The following BCAS3 variants were observed in gnomAD, a reference collection of about 807,000 sequenced individuals.
BCAS3 encodes BCAS4/BCAS3 fusion.
In BCAS3, 53 loss-of-function variants were observed where a neutral mutation model predicts 116.1. That is an observed-to-expected ratio of 0.46 (90% CI 0.37 to 0.57). The LOEUF (loss-of-function observed/expected upper bound fraction) is 0.57. Among genes scored for constraint, BCAS3 ranks in the 20% least tolerant of loss-of-function variants. BCAS3 has a pLI of 0.00. For synonymous variants in BCAS3, 391 were observed against 408.2 expected, an observed-to-expected ratio of 0.96 and a Z score of 0.51; for missense variants, 917 against 1,165.4, an observed-to-expected ratio of 0.79 and a Z score of 3.10.
intron 6 of BCAS3, among the ~76,000 whole-genome samples, chr17:60,789,992 A>G (rs759897207): frequency 2.0e-4 from 31 of 152,130 alleles, no homozygotes; most frequent in Non-Finnish European, 4.3e-4. Context: ...TAAAGTTGGA[A>G]GTTTAGTTAG....
chr17:60,910,450 T>G (rs2058431858), intron 11 of BCAS3, 82 bp from the exon 12 acceptor site: 1 of 1,126,888 alleles, frequency 8.9e-7, no homozygotes, highest in Non-Finnish European at 1.2e-6. Flanking sequence ...ACATAATGAT[T>G]AGGAAAATTA....
chr17:61,231,506 C>G (rs576925883), intron 22 of BCAS3, among the ~76,000 whole-genome samples: 3 of 152,164 alleles, frequency 2.0e-5, no homozygotes, highest in African/African-American at 7.2e-5. Context: ...TGTTTTTAAC[C>G]CATACCTTTC....
intron 22 of BCAS3, among the ~76,000 whole-genome samples, chr17:61,257,146 G>T (rs1300132982): frequency 6.6e-6 from 1 of 152,086 alleles, no homozygotes; most frequent in Non-Finnish European, 1.5e-5. Flanking sequence ...AACTGGCCAG[G>T]CGTGGTGGCT....
At chr17:60,761,434 C>T (rs190178362) in intron 6 of BCAS3, among the ~76,000 whole-genome samples, 1,528 of 132,692 alleles carry the variant, frequency 0.012, 28 homozygotes, top group African/African-American at 0.053. Flanking sequence ...CATTGTTCCA[C>T]CTATGAGTGA....
chr17:60,906,188 T>C (rs9915526), intron 11 of BCAS3, among the ~76,000 whole-genome samples: 47,201 of 152,084 alleles, frequency 0.31, 12,403 homozygotes, highest in African/African-American at 0.72. Flanking sequence ...CTGAGGACTC[T>C]CTTACTCTCA....
At chr17:60,825,540 A>AAAT (rs1166272026) in intron 7 of BCAS3, among the ~76,000 whole-genome samples, 4 of 136,552 alleles carry the variant, frequency 2.9e-5, no homozygotes, top group East Asian at 2.0e-4. Flanking sequence ...AATAATTTAT[A>AAAT]AATAATTATT....
chr17:61,021,958 A>G lies in BCAS3; in HGVS notation c.1637+6057A>G, dbSNP rs1477700474. On this transcript the variant is annotated intron_variant, in intron 16 of 23. Transcript: ENST00000407086. This position sits in a 1 kb window ranked among gnomAD's most constrained non-coding sequence, Gnocchi z 4.6. Reference sequence around the variant, plus strand: ...AAATATTTGGAGAAAGACCCACTAGATACAGATATAATAGCTTGGGTAATT... The same window carrying G: ...AAATATTTGGAGAAAGACCCACTAGGTACAGATATAATAGCTTGGGTAATT... Among the ~76,000 whole-genome samples, 1 of 152,192 alleles carries G rather than the reference A, an allele frequency of 6.6e-6. No individual in the cohort carries two copies. The highest frequency in any genetic ancestry group is 1.9e-4 in the East Asian group (1 of 5,194).
rs1023847317 is a variant in BCAS3 at position 61,324,928 on chromosome 17, GA to G, written c.2426-43397del. On this transcript the variant is annotated intron_variant, in intron 22 of 23. Coordinates refer to ENST00000407086, the MANE Select transcript of BCAS3 (RefSeq NM_017679.5). The surrounding 1 kb of genome is among the most constrained non-coding windows in gnomAD (Gnocchi z 4.6). ...CCTTCGAAGACTTCTAAGAGTTTTA[GA>G]AGAAAAGTTTGAGCTGCTAGAGGAG... 1.3e-5 allele frequency among the ~76,000 whole-genome samples: 2 copies of G among 152,130 alleles called. No homozygotes were observed.
chr17:61,080,184 C>T (rs1248896071), intron 21 of BCAS3, among the ~76,000 whole-genome samples: 1 of 151,992 alleles, frequency 6.6e-6, no homozygotes, highest in Non-Finnish European at 1.5e-5. Context: ...GGACTACAGG[C>T]GTGAGCCACT....
intron 7 of BCAS3, among the ~76,000 whole-genome samples, chr17:60,847,830 A>G (rs975099255): frequency 1.3e-5 from 2 of 152,104 alleles, no homozygotes; most frequent in African/African-American, 4.8e-5. Flanking sequence ...GTTCCACAGA[A>G]ATTTTAAAAT....
chr17:60,904,882 C>G (rs553793623), intron 11 of BCAS3, among the ~76,000 whole-genome samples: 2 of 152,114 alleles, frequency 1.3e-5, no homozygotes, highest in Admixed American at 1.3e-4. Context: ...GAAAACTTCT[C>G]TAGAGAATTC....
At position 61,277,460 on chromosome 17, in the gene BCAS3, C is replaced by G. The variant is rs552131694; in HGVS notation, c.2426-90867C>G. Among the ~76,000 whole-genome samples, 208 of 152,010 alleles carry G rather than the reference C, an allele frequency of 1.4e-3. 1 individual carries two copies. Among genetic ancestry groups the G allele is most frequent in the Admixed American group, 2.9e-3 (44 of 15,244 alleles). Reference sequence around the variant, plus strand: ...AGGCAGTAGTGTCTTACATATGACACCAAAAGTACAAACAAGAGAAAAATA... The same window carrying G: ...AGGCAGTAGTGTCTTACATATGACAGCAAAAGTACAAACAAGAGAAAAATA... On this transcript the variant is annotated intron_variant, in intron 22 of 23. Transcript: ENST00000407086.
intron 11 of BCAS3, among the ~76,000 whole-genome samples, chr17:60,909,221 A>G (rs1239343962): frequency 6.6e-6 from 1 of 152,186 alleles, no homozygotes; most frequent in African/African-American, 2.4e-5. Flanking sequence ...TGGTATTTTA[A>G]TAGAACACTT....
chr17:61,069,708 C>T, intron 19 of BCAS3: 2 of 549,236 alleles, frequency 3.6e-6, no homozygotes, highest in Non-Finnish European at 6.4e-6. Context: ...CATGGTGGCG[C>T]ACGCCTGTAA....
chr17:61,169,464 G>A (rs1033195723), intron 22 of BCAS3, among the ~76,000 whole-genome samples: 4 of 152,016 alleles, frequency 2.6e-5, no homozygotes, highest in African/African-American at 9.7e-5. Context: ...ATTGAGATGG[G>A]GTTTTGCTAT....
intron 9 of BCAS3, among the ~76,000 whole-genome samples, chr17:60,886,803 C>T (rs1316105710): frequency 6.6e-6 from 1 of 152,062 alleles, no homozygotes; most frequent in Non-Finnish European, 1.5e-5. Context: ...TCTGCCGGTT[C>T]TCAGATCTCC....
intron 22 of BCAS3, among the ~76,000 whole-genome samples, chr17:61,159,078 T>C (rs1322625293): frequency 6.6e-6 from 1 of 152,152 alleles, no homozygotes; most frequent in South Asian, 2.1e-4. Flanking sequence ...GAGAATAGAG[T>C]TATAGTCTTC....
At chr17:61,295,847 C>T (rs950899607) in intron 22 of BCAS3, among the ~76,000 whole-genome samples, 1 of 150,914 alleles carries the variant, frequency 6.6e-6, no homozygotes, top group African/African-American at 2.4e-5. Context: ...CCCAGCTACT[C>T]AGGAGGCTGA....
chr17:61,116,641 A>G (rs554027531), intron 22 of BCAS3, among the ~76,000 whole-genome samples: 8 of 152,298 alleles, frequency 5.3e-5, no homozygotes, highest in Non-Finnish European at 1.2e-4. Flanking sequence ...CTTTGTTAAG[A>G]GATCTTCCTT....
Sources: allele counts gnomAD v4.1 joint callset (sites outside exome capture counted in the v4.1 genomes callset), GRCh38; gene constraint gnomAD v4.1.1; non-coding constraint Gnocchi (gnomAD v3.1); transcripts MANE v1.5; gene names NCBI Gene and HGNC (gene_info 2026-07-23, HGNC 2026-07-21).